ADAMTSL1: variants seen among roughly 807,000 people sequenced by gnomAD.
The protein encoded by ADAMTSL1 is ADAMTS like 1, also known as ADAMTS-like protein 1.
Under a neutral mutation model 201.8 loss-of-function variants are expected in ADAMTSL1, and 126 were observed. That is an observed-to-expected ratio of 0.62 (90% CI 0.54 to 0.72). The LOEUF is 0.72. Ranked by LOEUF, ADAMTSL1 falls within the 30% of genes least tolerant of loss-of-function variation. The pLI is 0.00. For synonymous variants in ADAMTSL1, 1,121 were observed against 903.4 expected, an observed-to-expected ratio of 1.24 and a Z score of -4.32; for missense variants, 2,679 against 2,277.8, an observed-to-expected ratio of 1.18 and a Z score of -3.59.
intron 1 of ADAMTSL1, among the ~76,000 whole-genome samples, chr9:18,480,898 G>T (rs954838483): frequency 6.6e-6 from 1 of 152,076 alleles, no homozygotes; most frequent in Non-Finnish European, 1.5e-5. Context: ...AGAAAATGAG[G>T]AAAGAAAACC....
chr9:17,976,779 A>G (rs928324329), intron 1 of ADAMTSL1, among the ~76,000 whole-genome samples: 1 of 149,944 alleles, frequency 6.7e-6, no homozygotes, highest in Non-Finnish European at 1.5e-5. Context: ...TCATCTACAA[A>G]CAGATATAAA....
chr9:18,526,885 G>T (rs554572401), intron 2 of ADAMTSL1, among the ~76,000 whole-genome samples: 2 of 152,280 alleles, frequency 1.3e-5, no homozygotes, highest in Admixed American at 1.3e-4. Flanking sequence ...AAGATCCACA[G>T]TCTAAATGGC....
At chr9:18,144,093 G>T (rs1826519525) in intron 1 of ADAMTSL1, among the ~76,000 whole-genome samples, 1 of 152,156 alleles carries the variant, frequency 6.6e-6, no homozygotes, top group Non-Finnish European at 1.5e-5. Context: ...TCCTGATTTT[G>T]AGAGTTAAAA....
intron 2 of ADAMTSL1, among the ~76,000 whole-genome samples, chr9:18,425,484 A>T (rs754745582): frequency 1.3e-5 from 2 of 152,178 alleles, no homozygotes; most frequent in Non-Finnish European, 2.9e-5. Flanking sequence ...AATATCCAAG[A>T]GCACTTCAAA....
rs552281259 is a variant in ADAMTSL1 at position 18,522,698 on chromosome 9, T to G, written c.192-10549T>G. On this transcript the variant is annotated intron_variant, in intron 2 of 28. Transcript: ENST00000380548. Reference sequence around the variant, plus strand: ...GAGTGAGAACATGCGATGTTTGTTTTTTTTTTCCCTGCAATAGTTTGCTGA... The same window carrying G: ...GAGTGAGAACATGCGATGTTTGTTTGTTTTTTCCCTGCAATAGTTTGCTGA... Among the ~76,000 whole-genome samples the G allele has an allele frequency of 8.6e-5, 13 of 151,776 alleles. No homozygotes were observed. The South Asian group carries it at 2.7e-3, about 32-fold the overall frequency.
chr9:18,793,730 A>G (rs970604850), intron 19 of ADAMTSL1, among the ~76,000 whole-genome samples: 24 of 152,144 alleles, frequency 1.6e-4, no homozygotes, highest in African/African-American at 5.6e-4. Context: ...TAAACTGTCA[A>G]CCTAAAGTAC....
At chr9:18,519,471 C>T (rs1359265423) in intron 2 of ADAMTSL1, among the ~76,000 whole-genome samples, 2 of 152,200 alleles carry the variant, frequency 1.3e-5, no homozygotes, top group South Asian at 2.1e-4. Context: ...TAAGCTATTG[C>T]CCTCTCCTCA....
At chr9:18,889,214 A>G (rs3780222) in intron 24 of ADAMTSL1, among the ~76,000 whole-genome samples, 70 of 152,174 alleles carry the variant, frequency 4.6e-4, no homozygotes, top group East Asian at 9.6e-4. Context: ...ATGAGGAAAA[A>G]AAAGTACTGT....
At chr9:18,180,465 G>A (rs1449600270) in intron 2 of ADAMTSL1, among the ~76,000 whole-genome samples, 26 of 150,192 alleles carry the variant, frequency 1.7e-4, no homozygotes, top group African/African-American at 5.9e-4. Context: ...CCCGGGAGGC[G>A]GAGCTTGCAG....
chr9:18,221,426 G>A (rs1830256519), intron 2 of ADAMTSL1, among the ~76,000 whole-genome samples: 1 of 152,148 alleles, frequency 6.6e-6, no homozygotes, highest in Admixed American at 6.5e-5. Flanking sequence ...TGCCTGAGTT[G>A]TGTGTTGAAA....
chr9:18,814,750 G>T (rs1563823892), intron 20 of ADAMTSL1, among the ~76,000 whole-genome samples: 1 of 152,062 alleles, frequency 6.6e-6, no homozygotes, highest in African/African-American at 2.4e-5. Context: ...AGGAGGGAGA[G>T]GATCAGGAAA....
At chr9:18,218,644 G>T (rs1453474552) in intron 2 of ADAMTSL1, among the ~76,000 whole-genome samples, 1 of 151,844 alleles carries the variant, frequency 6.6e-6, no homozygotes, top group Non-Finnish European at 1.5e-5. Context: ...TGATTTATAT[G>T]CATTCTTTAA....
intron 1 of ADAMTSL1, among the ~76,000 whole-genome samples, chr9:18,120,740 T>A (rs1474320796): frequency 6.6e-6 from 1 of 152,204 alleles, no homozygotes; most frequent in Admixed American, 6.5e-5. Flanking sequence ...GATACCCAGA[T>A]AATTTATATA....
chr9:18,226,347 A>G (rs1021875553), intron 2 of ADAMTSL1, among the ~76,000 whole-genome samples: 3 of 152,084 alleles, frequency 2.0e-5, no homozygotes, highest in Admixed American at 6.6e-5. Context: ...CTGGTCACCC[A>G]GGTTTGGAAT....
intron 1 of ADAMTSL1, among the ~76,000 whole-genome samples, chr9:18,126,583 G>A (rs1000360860): frequency 6.6e-6 from 1 of 152,028 alleles, no homozygotes; most frequent in Non-Finnish European, 1.5e-5. Context: ...AGCCACTTGG[G>A]GAATAAAATC....
At chr9:18,341,842 G>A (rs981452527) in intron 2 of ADAMTSL1, among the ~76,000 whole-genome samples, 7 of 152,088 alleles carry the variant, frequency 4.6e-5, no homozygotes, top group Non-Finnish European at 7.4e-5. Context: ...GGCAGGTAAT[G>A]GGAGAGAACT....
chr9:18,245,687 G>T (rs904445456), intron 2 of ADAMTSL1, among the ~76,000 whole-genome samples: 7 of 151,074 alleles, frequency 4.6e-5, no homozygotes, highest in African/African-American at 1.7e-4. Flanking sequence ...TGGAAAATAA[G>T]AACACAGTCC....
chr9:17,933,671 C>G (rs188450335), intron 1 of ADAMTSL1, among the ~76,000 whole-genome samples: 2 of 152,086 alleles, frequency 1.3e-5, no homozygotes, highest in Admixed American at 1.3e-4. Context: ...TGGCAAAAGT[C>G]GAAGAGAAAG....
intron 2 of ADAMTSL1, among the ~76,000 whole-genome samples, chr9:18,281,410 A>C (rs1832783241): frequency 6.6e-6 from 1 of 152,082 alleles, no homozygotes; most frequent in Non-Finnish European, 1.5e-5. Context: ...GGGAAGCAAC[A>C]ACCTGGGCTC....
Sources: gnomAD v4.1 joint callset for allele counts (sites outside exome capture counted in the v4.1 genomes callset) on GRCh38, gnomAD v4.1.1 for gene constraint, MANE v1.5 for transcripts, NCBI Gene and HGNC (gene_info 2026-07-23, HGNC 2026-07-21) for gene names.